The following TMEM130 variants were observed in gnomAD, a reference collection of about 807,000 sequenced individuals.
TMEM130 encodes transmembrane protein 130.
TMEM130 carries 37 observed loss-of-function variants against 42.9 expected under a neutral mutation model. That is an observed-to-expected ratio of 0.86 (90% CI 0.66 to 1.13). The LOEUF (loss-of-function observed/expected upper bound fraction) is 1.13. Ranked by LOEUF, TMEM130 falls within the 50% of genes most tolerant of loss-of-function variation. The pLI is 0.00. For missense variants in TMEM130, 545 were observed against 562.6 expected (o/e 0.97, Z 0.32); for synonymous variants, 259 against 237.7 (o/e 1.09, Z -0.82).
intron 5 of TMEM130, among the ~76,000 whole-genome samples, chr7:98,854,044 T>G (rs1267797423): frequency 5.7e-4 from 2 of 3,480 alleles, no homozygotes; most frequent in Non-Finnish European, 1.0e-3. Flanking sequence ...TTTTTTTTGT[T>G]TTTTTTTTTT....
chr7:98,851,530 G>A lies in TMEM130; in HGVS notation c.897C>T (p.Tyr299=), dbSNP rs782676901. The change falls in exon 6 of 8, where the codon TAC becomes TAT. Residue 299 remains tyrosine (Y), a synonymous_variant. Transcript: ENST00000339375. ...GGTCCCTGAAGGTGTGGGTCAGGTT[G>A]TACGCTGTGCTGGCCACGGACACAG... is the stretch of plus-strand genomic sequence containing the variant. ...CHPVSVASTA[Y]NLTHTFRDPG... The A allele has an allele frequency of 6.2e-7, 1 of 1,614,124 alleles. No individual in the cohort carries two copies. The highest frequency in any genetic ancestry group is 1.3e-5 in the African/African-American group (1 of 75,030).
At chr7:98,853,672 G>T (rs1794563020) in intron 5 of TMEM130, among the ~76,000 whole-genome samples, 1 of 152,212 alleles carries the variant, frequency 6.6e-6, no homozygotes. Context: ...GACCACTGAT[G>T]TCTGCGGCTC....
chr7:98,848,582 C>T lies in TMEM130; in HGVS notation c.1119+1G>A, dbSNP rs181956486. ...CAGCCCCCACCCCACTGAGTACCCA[C>T]CTCCACCATGTCCTTTTGCTGAGTG... On this transcript the variant is annotated splice_donor_variant, in intron 7 of 7. Coordinates refer to ENST00000339375, the MANE Select transcript of TMEM130 (RefSeq NM_152913.3). LOFTEE classifies it high-confidence loss of function. 25 of 1,604,186 alleles carry T rather than the reference C, an allele frequency of 1.6e-5. No individual in the cohort carries two copies. In the East Asian group the frequency reaches 5.1e-4, roughly 33 times the overall value.
At chr7:98,863,025 T>C (rs1054839758) in intron 2 of TMEM130, 70 bp downstream of exon 2, 1 of 1,509,574 alleles carries the variant, frequency 6.6e-7, no homozygotes. Context: ...ATCTGATTCC[T>C]AGCGAAGCTT....
intron 5 of TMEM130, among the ~76,000 whole-genome samples, chr7:98,854,431 C>G (rs1438309185): frequency 2.6e-5 from 4 of 152,226 alleles, no homozygotes; most frequent in African/African-American, 9.6e-5. Flanking sequence ...GTCCTCCCTC[C>G]CTGGGACCTC....
chr7:98,862,586 C>T (rs1554399959), intron 2 of TMEM130, among the ~76,000 whole-genome samples: 1 of 145,930 alleles, frequency 6.9e-6, no homozygotes, highest in African/African-American at 2.6e-5. Flanking sequence ...GCAACCTCTG[C>T]CCCCCAGGTT....
At chr7:98,856,265 A>G in intron 3 of TMEM130, 82 bp from the exon 4 acceptor site, 1 of 1,418,534 alleles carries the variant, frequency 7.0e-7, no homozygotes, top group Non-Finnish European at 9.7e-7. Flanking sequence ...GATTCATGGG[A>G]CTTGCCAGAG....
chr7:98,854,516 A>G (rs1554398665), intron 5 of TMEM130, among the ~76,000 whole-genome samples: 1 of 152,178 alleles, frequency 6.6e-6, no homozygotes. Context: ...AGCTGGGAGG[A>G]TCACTTGAGC....
chr7:98,856,245 A>G (rs1314156971), intron 3 of TMEM130, 62 bp from the exon 4 acceptor site: 1 of 1,532,198 alleles, frequency 6.5e-7, no homozygotes, highest in Non-Finnish European at 8.9e-7. Flanking sequence ...CCTTCCTGTA[A>G]CTCAGAAGTG....
chr7:98,863,243 A>G lies in TMEM130; in HGVS notation c.243T>C (p.Leu81=), dbSNP rs149260412. Residue 81 remains leucine (L), a synonymous_variant, in exon 2 of 8, where the codon CTT becomes CTC. Coordinates refer to ENST00000339375, the MANE Select transcript of TMEM130 (RefSeq NM_152913.3). ...RFHWIHTPLV[L]TGKMEKGLSS... is the part of the protein sequence containing the mutation. ...TGAGACCCTTCTCCATCTTGCCAGT[A>G]AGCACCAGCGGGGTGTGGATCCAGT... 522 of 1,614,058 alleles carry G rather than the reference A, an allele frequency of 3.2e-4. 2 individuals are homozygous for G. The African/African-American group carries it at 5.7e-3, about 18-fold the overall frequency.
Position 98,869,961 on chromosome 7 carries a change from C to CGGTGCGGGGA in TMEM130, c.-110_-101dup. On this transcript the variant is annotated 5_prime_UTR_variant, in exon 1 of 8. Coordinates refer to ENST00000339375, the MANE Select transcript of TMEM130 (RefSeq NM_152913.3). This position sits in a 1 kb window ranked among gnomAD's most constrained non-coding sequence, Gnocchi z 4.7. The stretch of plus-strand genomic sequence containing the variant: ...CGCTCCTCCGGGCGCGCAGCGCGGG[C>CGGTGCGGGGA]GGTGCGGGGAGGTGCGGGCGCCGTG... 2.3e-6 allele frequency: 2 copies of CGGTGCGGGGA among 868,982 alleles called. No individual in the cohort carries two copies. The highest frequency in any genetic ancestry group is 3.1e-6 in the Non-Finnish European group (2 of 654,796). 53.8% of individuals were successfully genotyped at this position (868,982 alleles called of 1,614,324 possible). A position where few individuals can be genotyped will look rare whatever the true frequency, so the allele number is the denominator to read the frequency against.
rs1417198441 is a variant in TMEM130 at position 98,846,739 on chromosome 7, C to G, written c.*1317G>C. 2 of 152,188 alleles carry G rather than the reference C, an allele frequency of 1.3e-5. No individual in the cohort carries two copies. The highest frequency in any genetic ancestry group is 2.9e-5 in the Non-Finnish European group (2 of 68,124). 9.4% of individuals were successfully genotyped at this position (152,188 alleles called of 1,614,324 possible). On this transcript the variant is annotated 3_prime_UTR_variant, in exon 8 of 8. Coordinates refer to ENST00000339375, the MANE Select transcript of TMEM130 (RefSeq NM_152913.3). ...CCAGAAGGGAGGGTGCAGGCTGGTT[C>G]CGCTGCTCAGGCTCTGTCATCCTGC...
chr7:98,852,242 G>A (rs1349647795), intron 5 of TMEM130, among the ~76,000 whole-genome samples: 3 of 152,102 alleles, frequency 2.0e-5, no homozygotes, highest in African/African-American at 7.2e-5. Flanking sequence ...CCGGGTTCGA[G>A]CCTCAGCCTC....
At chr7:98,861,370 G>T (rs1554399770) in intron 2 of TMEM130, among the ~76,000 whole-genome samples, 2 of 151,688 alleles carry the variant, frequency 1.3e-5, no homozygotes, top group Non-Finnish European at 2.9e-5. Context: ...CAGTTCCACT[G>T]ATCACAGCTT....
At chr7:98,858,087 T>C (rs1038064459) in intron 3 of TMEM130, among the ~76,000 whole-genome samples, 6 of 152,296 alleles carry the variant, frequency 3.9e-5, no homozygotes, top group Non-Finnish European at 7.3e-5. Flanking sequence ...ATAATGTTAG[T>C]TGTTAGTTCC....
rs1274901993 is a variant in TMEM130, at chr7:98,851,561, C to T, written c.866G>A (p.Cys289Tyr). 3 of 1,613,776 alleles carry T rather than the reference C, an allele frequency of 1.9e-6. No homozygotes were observed. The highest frequency in any genetic ancestry group is 2.5e-6 in the Non-Finnish European group (3 of 1,179,906). Residue 289 changes from cysteine (C) to tyrosine (Y), a missense_variant, in exon 6 of 8, where the codon TGC (cysteine) becomes TAC (tyrosine). Transcript: ENST00000339375. ...TGTGCTGGCCACGGACACAGGGTGG[C>T]ACTCCCCTTCCTCCAGCGGGAGGCA... ...PECLPLEEGE[C>Y]HPVSVASTAY...
Position 98,847,984 on chromosome 7 carries a change from T to C in TMEM130, c.*72A>G. ...CAAATGAACCCCTCCTGGTCAGTGG[T>C]GCACACCACCCTGCTGGAAACTCCA... is the stretch of plus-strand genomic sequence containing the variant. On this transcript the variant is annotated 3_prime_UTR_variant, in exon 8 of 8. Transcript: ENST00000339375. The C allele has an allele frequency of 3.4e-6, 5 of 1,481,516 alleles. No individual in the cohort carries two copies. Among genetic ancestry groups the C allele is most frequent in the Non-Finnish European group, 4.6e-6 (5 of 1,078,868 alleles). The allele number at this position is 1,481,516 out of a possible 1,614,324, so 91.8% of individuals were successfully genotyped here. A position where few individuals can be genotyped will look rare whatever the true frequency, so the allele number is the denominator to read the frequency against.
intron 1 of TMEM130, among the ~76,000 whole-genome samples, chr7:98,868,907 TC>T (rs1794967015): frequency 6.6e-6 from 1 of 152,204 alleles, no homozygotes; most frequent in Admixed American, 6.5e-5. Flanking sequence ...GTCTAATTCA[TC>T]CCTGAGTTGC....
intron 5 of TMEM130, among the ~76,000 whole-genome samples, chr7:98,852,721 A>C (rs1362496156): frequency 6.6e-6 from 1 of 151,996 alleles, no homozygotes; most frequent in African/African-American, 2.4e-5. Flanking sequence ...CAGCCTCCCA[A>C]GTAGCTGGGA....
Sources: allele counts gnomAD v4.1 joint callset (sites outside exome capture counted in the v4.1 genomes callset), GRCh38; gene constraint gnomAD v4.1.1; non-coding constraint Gnocchi (gnomAD v3.1); transcripts MANE v1.5; gene names NCBI Gene and HGNC (gene_info 2026-07-23, HGNC 2026-07-21).